Variants in SPTBN2 observed in about 807,000 individuals in gnomAD.
SPTBN2 encodes the protein spectrin beta chain, non-erythrocytic 2.
SPTBN2 carries 107 observed loss-of-function variants against 284.2 expected under a neutral mutation model. That is an observed-to-expected ratio of 0.38 (90% CI 0.32 to 0.44). The LOEUF (loss-of-function observed/expected upper bound fraction) is 0.44, where lower values mean the gene tolerates loss of function less well. Among genes scored for constraint, SPTBN2 ranks in the 20% least tolerant of loss-of-function variants. The probability of loss-of-function intolerance (pLI) is 1.00; values close to 1 mark genes in which losing one functional copy is unlikely to be tolerated. For missense variants in SPTBN2, 2,569 were observed against 3,287.1 expected, an observed-to-expected ratio of 0.78 and a Z score of 5.34; for synonymous variants, 1,289 against 1,354.8, an observed-to-expected ratio of 0.95 and a Z score of 1.07.
In SPTBN2 at chr11:66,687,102, G is replaced by A; in HGVS notation, c.6788C>T (p.Ala2263Val). Residue 2263 changes from alanine to valine, a missense_variant, in exon 36 of 38, where the codon GCA (alanine) becomes GTA (valine). Ala to Val is a moderately conservative substitution (Grantham distance 64). Coordinates refer to ENST00000533211, the MANE Select transcript of SPTBN2 (RefSeq NM_006946.4). This position sits in a 1 kb window ranked among gnomAD's most constrained non-coding sequence, Gnocchi z 5.2. ...GTGGTATGGCACTCCCGCGCTGGCT[G>A]CCTTGGCATCCTTGTAAAAGCCGAG... ...GSLGFYKDAK[A>V]ASAGVPYHGE... 6.2e-7 allele frequency: 1 copy of A among 1,614,104 alleles called. No homozygotes were observed. The highest frequency in any genetic ancestry group is 1.1e-5 in the South Asian group (1 of 91,086).
intron 15 of SPTBN2, 58 bp downstream of exon 15, chr11:66,704,540 C>T: frequency 6.4e-6 from 10 of 1,572,206 alleles, no homozygotes; most frequent in Non-Finnish European, 8.6e-6. Context: ...CACCCACATC[C>T]TGGCCCCCCC....
In SPTBN2 at chr11:66,705,706, C is replaced by T. The variant is rs1411221627; in HGVS notation, c.1785G>A (p.Leu595=). 1 of 1,612,154 alleles carries T rather than the reference C, an allele frequency of 6.2e-7. No homozygotes were observed. Among genetic ancestry groups the T allele is most frequent in the South Asian group, 1.1e-5 (1 of 91,078 alleles). Reference sequence around the variant, plus strand: ...CACCTTTCCCTGGGTTGCAGAAGCGCAGGGCAGAGGCGCTGACGGCCCGCA... The same window carrying T: ...CACCTTTCCCTGGGTTGCAGAAGCGTAGGGCAGAGGCGCTGACGGCCCGCA... ...ERVRAVSASA[L]RFCNPGKEYR... Residue 595 remains leucine (L), a synonymous_variant, in exon 14 of 38, where the codon CTG becomes CTA. Coordinates refer to ENST00000533211, the MANE Select transcript of SPTBN2 (RefSeq NM_006946.4).
chr11:66,721,533 C>T (rs1942402449), intron 1 of SPTBN2, 93 bp from the exon 2 acceptor site: 2 of 471,822 alleles, frequency 4.2e-6, no homozygotes, highest in Non-Finnish European at 7.8e-6. Context: ...GCTCCAACGA[C>T]TTCGGGCCAG....
In SPTBN2 at chr11:66,691,975, G is replaced by A. The variant is rs760529351; in HGVS notation, c.5191-317C>T. On this transcript the variant is annotated intron_variant, in intron 26 of 37. Transcript: ENST00000533211. This position sits in a 1 kb window ranked among gnomAD's most constrained non-coding sequence, Gnocchi z 8.0. ...AAGCCCCCAAACTGTCGGGGGGGTG[G>A]ATCATACTCCGTTTTGTTGAATTCT... is the stretch of plus-strand genomic sequence containing the variant. Among the ~76,000 whole-genome samples, 1 of 152,184 alleles carries A rather than the reference G, an allele frequency of 6.6e-6. No homozygotes were observed. Among genetic ancestry groups the A allele is most frequent in the Non-Finnish European group, 1.5e-5 (1 of 68,036 alleles).
At chr11:66,726,026 T>TAC (rs1386090241) in intron 1 of SPTBN2, among the ~76,000 whole-genome samples, 5 of 152,230 alleles carry the variant, frequency 3.3e-5, no homozygotes, top group Non-Finnish European at 5.9e-5. Flanking sequence ...GTTAGTTGTT[T>TAC]ACGTGTCTCT....
chr11:66,705,440 C>T lies in SPTBN2; in HGVS notation c.1836G>A (p.Val612=), dbSNP rs770762674. 2.5e-6 allele frequency: 4 copies of T among 1,612,976 alleles called. No homozygotes were observed. Among genetic ancestry groups the T allele is most frequent in the Non-Finnish European group, 3.4e-6 (4 of 1,180,040 alleles). Residue 612 remains valine (V), a synonymous_variant, in exon 15 of 38, where the codon GTG becomes GTA. Coordinates refer to ENST00000533211, the MANE Select transcript of SPTBN2 (RefSeq NM_006946.4). ...GCTCTAGCTTGGCCACCCGCTCCGACACCAGCTGCGGGTCGCAAGGTCTAT... is the reference window on the plus strand; with the variant it reads ...GCTCTAGCTTGGCCACCCGCTCCGATACCAGCTGCGGGTCGCAAGGTCTAT... The part of the protein sequence containing the change: ...KEYRPCDPQL[V]SERVAKLEQS...
intron 15 of SPTBN2, among the ~76,000 whole-genome samples, chr11:66,702,937 CAAAAAAAAAAAA>C (rs1170116245): frequency 7.0e-5 from 3 of 42,630 alleles, no homozygotes; most frequent in African/African-American, 3.5e-4. Context: ...GACTCCGTCT[CAAAAAAAAAAAA>C]AAAAAAAAAA....
upstream of SPTBN2, among the ~76,000 whole-genome samples, chr11:66,732,884 TGAGCCCAG>T (rs1210821393): frequency 6.6e-6 from 1 of 150,758 alleles, no homozygotes; most frequent in African/African-American, 2.5e-5. Flanking sequence ...GACAATCTCT[TGAGCCCAG>T]GAGACGGAGG....
rs765242216 is a variant in SPTBN2 at position 66,691,584 on chromosome 11, A to C, written c.5265T>G (p.Asn1755Lys). 4 of 1,613,644 alleles carry C rather than the reference A, an allele frequency of 2.5e-6. No homozygotes were observed. The highest frequency in any genetic ancestry group is 3.4e-6 in the Non-Finnish European group (4 of 1,180,038). ...CAGCAATGAGCCCATTGGCCAGCGC[A>C]TTGGCGCTATCTACGCGCTCCTGAC... ...TIGQERVDSANALANGLIAGG... is the reference protein window; with the variant it reads ...TIGQERVDSAKALANGLIAGG... Residue 1755 changes from asparagine (N) to lysine (K), a missense_variant, in exon 27 of 38, where the codon AAT (asparagine) becomes AAG (lysine). Around this residue, in one of 6 missense-constraint regions of SPTBN2, gnomAD observed 1,130 missense variants for 1,317.3 expected, o/e 0.86. Coordinates refer to ENST00000533211, the MANE Select transcript of SPTBN2 (RefSeq NM_006946.4). This position sits in a 1 kb window ranked among gnomAD's most constrained non-coding sequence, Gnocchi z 8.0.
rs768932281 is a variant in SPTBN2, at chr11:66,700,646, T to C, written c.3453A>G (p.Gly1151=). Reference sequence around the variant, plus strand: ...TTCGGCCCAGCTCCTCCCAGCCAGTTCCCAGGGCCTCCAGTCGCTGTCGTA... The same window carrying C: ...TTCGGCCCAGCTCCTCCCAGCCAGTCCCCAGGGCCTCCAGTCGCTGTCGTA... ...LFLRQRLEAL[G]TGWEELGRMW... Residue 1151 remains glycine, a synonymous_variant, in exon 17 of 38, where the codon GGA becomes GGG. Coordinates refer to ENST00000533211, the MANE Select transcript of SPTBN2 (RefSeq NM_006946.4). This position sits in a 1 kb window ranked among gnomAD's most constrained non-coding sequence, Gnocchi z 6.6. 15 of 1,607,874 alleles carry C rather than the reference T, an allele frequency of 9.3e-6. No homozygotes were observed. In the East Asian group the frequency reaches 2.7e-4, roughly 29 times the overall value.
At position 66,685,833 on chromosome 11, in the gene SPTBN2, A is replaced by C. The variant is rs1435622396; in HGVS notation, c.*38T>G. On this transcript the variant is annotated 3_prime_UTR_variant, in exon 38 of 38. Transcript: ENST00000533211. This position sits in a 1 kb window ranked among gnomAD's most constrained non-coding sequence, Gnocchi z 4.4. ...GTCGACTGTCCCTGGCAGTTTCCTG[A>C]ACGGAGGGAGGGAGTTGGCCTGGGA... is the stretch of plus-strand genomic sequence containing the variant. 3.1e-6 allele frequency: 5 copies of C among 1,598,312 alleles called. No individual in the cohort carries two copies. In the Admixed American group the frequency reaches 8.3e-5, roughly 27 times the overall value.
rs1941832492 is a variant in SPTBN2 at position 66,711,034 on chromosome 11, AAG to A, written c.773-7_773-6del. On this transcript the variant is annotated splice_polypyrimidine_tract_variant and splice_region_variant and intron_variant, in intron 8 of 37. Coordinates refer to ENST00000533211, the MANE Select transcript of SPTBN2 (RefSeq NM_006946.4). ...CTGGCTGGTCCACATTCACGTCTGC[AAG>A]AGAGGACCATTTGGGTCAGGCCTCC... is the stretch of plus-strand genomic sequence containing the variant. 6.2e-7 allele frequency: 1 copy of A among 1,613,324 alleles called. No homozygotes were observed. The highest frequency in any genetic ancestry group is 1.7e-5 in the Admixed American group (1 of 60,000).
chr11:66,714,455 G>A, intron 5 of SPTBN2, 48 bp from the exon 6 acceptor site: 1 of 1,487,496 alleles, frequency 6.7e-7, no homozygotes. Context: ...AGGAACTCCT[G>A]GTGTTATCAG....
rs1308364682 is a variant in SPTBN2, at chr11:66,696,471, G to A, written c.4084C>T (p.His1362Tyr). Residue 1362 changes from histidine to tyrosine, a missense_variant, in exon 21 of 38, where the codon CAC becomes TAC. By Grantham distance (83) the His-to-Tyr change is moderately conservative (BLOSUM62 2). Around this residue, in one of 6 missense-constraint regions of SPTBN2, gnomAD observed 50 missense variants for 48.1 expected, o/e 1.04. Coordinates refer to ENST00000533211, the MANE Select transcript of SPTBN2 (RefSeq NM_006946.4). ...GTCTCCAGCTCGTCCCAGCGCCTGT[G>A]CAGGTCTCTCAGCTTCTCCGACACC... Reference protein sequence around the residue: ...ALVSEKLRDLHRRWDELETTT... With the variant: ...ALVSEKLRDLYRRWDELETTT... 6.2e-7 allele frequency: 1 copy of A among 1,612,412 alleles called. No individual in the cohort carries two copies. Among genetic ancestry groups the A allele is most frequent in the Non-Finnish European group, 8.5e-7 (1 of 1,180,048 alleles).
At chr11:66,725,686 C>T (rs1218209484) in intron 1 of SPTBN2, among the ~76,000 whole-genome samples, 1 of 152,200 alleles carries the variant, frequency 6.6e-6, no homozygotes, top group African/African-American at 2.4e-5. Flanking sequence ...AGGCCAGGCC[C>T]AAGTAGCTTA....
intron 1 of SPTBN2, among the ~76,000 whole-genome samples, chr11:66,737,534 G>T (rs1942862173): frequency 6.6e-6 from 1 of 152,146 alleles, no homozygotes; most frequent in African/African-American, 2.4e-5. Flanking sequence ...GAAGACATGG[G>T]GCAGAGAAAG....
rs568673379 is a variant in SPTBN2 at position 66,705,051 on chromosome 11, C to T, written c.2225G>A (p.Arg742Gln). 1.6e-5 allele frequency: 25 copies of T among 1,596,622 alleles called. No homozygotes were observed. Among genetic ancestry groups the T allele is most frequent in the African/African-American group, 8.0e-5 (6 of 74,892 alleles). Residue 742 changes from arginine (R) to glutamine (Q), a missense_variant, in exon 15 of 38, where the codon CGG becomes CAG. Physicochemically the swap from Arg to Gln is conservative, Grantham distance 43 (BLOSUM62 1). This residue lies in a region of SPTBN2 where 1,012 missense variants were observed against 1,248.9 expected (regional missense o/e 0.81). Transcript: ENST00000533211. The part of the protein sequence containing the change: ...LEALAEERAQ[R>Q]LAQAASLYQF... ...GTAGAGGCTGGCGGCTTGGGCCAGC[C>T]GCTGGGCACGCTCCTCGGCCAGGGC...
chr11:66,731,482 C>A (rs1942814002), upstream of SPTBN2, among the ~76,000 whole-genome samples: 1 of 152,222 alleles, frequency 6.6e-6, no homozygotes, highest in Admixed American at 6.5e-5. Context: ...AACATACATA[C>A]ATAGCCGAAT....
Position 66,690,137 on chromosome 11 carries a change from C to A in SPTBN2, c.5712G>T (p.Leu1904=), listed in dbSNP as rs761208795. Residue 1904 remains leucine, a synonymous_variant, in exon 28 of 38, where the codon CTG becomes CTT. Coordinates refer to ENST00000533211, the MANE Select transcript of SPTBN2 (RefSeq NM_006946.4). ...GSSAARRQLL[L]DTTDKFRFFK... is the part of the protein sequence containing the mutation. ...AGAAGCGGAACTTGTCTGTGGTGTC[C>A]AGCAGCAGCTGCCGGCGGGCGGCAG... 9.3e-6 allele frequency: 15 copies of A among 1,614,100 alleles called. No individual in the cohort carries two copies. The highest frequency in any genetic ancestry group is 1.3e-5 in the Non-Finnish European group (15 of 1,180,060).
Sources: gnomAD v4.1 joint callset for allele counts (sites outside exome capture counted in the v4.1 genomes callset) on GRCh38, gnomAD v4.1.1 for gene constraint, gnomAD v4.1.1 regional missense constraint, Gnocchi (gnomAD v3.1) non-coding constraint, MANE v1.5 for transcripts, NCBI Gene and HGNC (gene_info 2026-07-23, HGNC 2026-07-21) for gene names.